The following PDE1C variants were observed in gnomAD, a reference collection of about 807,000 sequenced individuals.
PDE1C encodes the protein phosphodiesterase 1C.
Under a neutral mutation model 93.1 loss-of-function variants are expected in PDE1C, and 62 were observed. That is an observed-to-expected ratio of 0.67 (90% confidence interval 0.54 to 0.82). PDE1C has a LOEUF of 0.82. Among genes scored for constraint, PDE1C ranks in the 40% least tolerant of loss-of-function variants. The probability of loss-of-function intolerance (pLI) is 0.00; values close to 1 mark genes in which losing one functional copy is unlikely to be tolerated. For missense variants in PDE1C, 742 were observed against 884.6 expected (o/e 0.84, Z 2.04); for synonymous variants, 325 against 310.1 (o/e 1.05, Z -0.50).
the PDE1C span, among the ~76,000 whole-genome samples, chr7:31,705,976 C>A: frequency 7.4e-6 from 1 of 135,176 alleles, no homozygotes; most frequent in African/African-American, 2.9e-5. Flanking sequence ...CTGAATTTCA[C>A]AGACCAGTAA....
intron 2 of PDE1C, among the ~76,000 whole-genome samples, chr7:32,003,605 T>C (rs1785767092): frequency 1.3e-5 from 2 of 152,244 alleles, no homozygotes; most frequent in African/African-American, 4.8e-5. Flanking sequence ...TTACATTGCA[T>C]GGCCCATCCA....
rs1802127888 is a variant in PDE1C, at chr7:31,917,882, T to C, written c.129-37022A>G. On this transcript the variant is annotated intron_variant, in intron 2 of 17. Transcript: ENST00000396191. The stretch of plus-strand genomic sequence containing the variant: ...GAAAGCCCCTGTGAGAAATAACATA[T>C]TGAATAGTTTAGATTCAAATCACTG... Among the ~76,000 whole-genome samples the C allele has an allele frequency of 3.3e-5, 5 of 152,298 alleles. No individual in the cohort carries two copies. The South Asian group carries it at 8.3e-4, about 25-fold the overall frequency.
chr7:31,813,061 A>G (rs1250212217), intron 15 of PDE1C, among the ~76,000 whole-genome samples: 1 of 152,142 alleles, frequency 6.6e-6, no homozygotes, highest in Non-Finnish European at 1.5e-5. Context: ...CTCAAGTACA[A>G]TGTCTGATAC....
intron 1 of PDE1C, among the ~76,000 whole-genome samples, chr7:32,358,039 G>A (rs1784065349): frequency 6.6e-6 from 1 of 151,876 alleles, no homozygotes. Flanking sequence ...TTATGCTCTG[G>A]ACCGGAGAGC....
chr7:32,011,118 T>A (rs1427102525), intron 2 of PDE1C, among the ~76,000 whole-genome samples: 1 of 152,162 alleles, frequency 6.6e-6, no homozygotes, highest in Admixed American at 6.6e-5. Flanking sequence ...AAGAAAATAT[T>A]TTCAAATCAC....
At chr7:32,199,133 T>A (rs9718901) in intron 2 of PDE1C, among the ~76,000 whole-genome samples, 71,413 of 147,698 alleles carry the variant, frequency 0.48, 16,972 homozygotes, top group Admixed American at 0.58. Flanking sequence ...AATAAAAATT[T>A]AAAAAAAAAA....
chr7:31,847,903 C>A, intron 9 of PDE1C, 65 bp downstream of exon 9: 1 of 1,552,950 alleles, frequency 6.4e-7, no homozygotes, highest in Non-Finnish European at 8.9e-7. Context: ...TCAAAAACAG[C>A]ATACTTCATC....
Position 31,872,022 on chromosome 7 carries a change from C to T in PDE1C, c.609+1270G>A, listed in dbSNP as rs181947104. ...GGATAAGGAAAACTTGGTATACAAC[C>T]ATAATGGAATACTATTCGGCCATAA... On this transcript the variant is annotated intron_variant, in intron 6 of 17. Transcript: ENST00000396191. Among the ~76,000 whole-genome samples, 595 of 136,528 alleles carry T rather than the reference C, an allele frequency of 4.4e-3. 7 individuals carry two copies. Among genetic ancestry groups the T allele is most frequent in the Admixed American group, 0.038 (488 of 12,944 alleles). 89.6% of individuals were successfully genotyped at this position (136,528 alleles called of 152,430 possible).
chr7:32,409,016 T>C (rs896554206), intron 1 of PDE1C, among the ~76,000 whole-genome samples: 3 of 152,152 alleles, frequency 2.0e-5, no homozygotes, highest in South Asian at 2.1e-4. Context: ...GGCAGAATTA[T>C]ACAAACTTTC....
intron 1 of PDE1C, among the ~76,000 whole-genome samples, chr7:32,267,561 T>TTTTCTC (rs1810674897): frequency 7.6e-6 from 1 of 131,894 alleles, no homozygotes. Context: ...TGCAGCCTCT[T>TTTTCTC]TCTCTCTCTC....
chr7:32,133,353 G>A (rs913506386), intron 3 of PDE1C, among the ~76,000 whole-genome samples: 1 of 152,140 alleles, frequency 6.6e-6, no homozygotes, highest in African/African-American at 2.4e-5. Flanking sequence ...GTTGAAACTG[G>A]AGCAAGTCAC....
intron 13 of PDE1C, among the ~76,000 whole-genome samples, chr7:31,824,047 T>TC (rs1234402918): frequency 6.6e-6 from 1 of 152,082 alleles, no homozygotes; most frequent in Non-Finnish European, 1.5e-5. Flanking sequence ...ATCTGGAGCA[T>TC]CCCTGGGGTC....
intron 2 of PDE1C, among the ~76,000 whole-genome samples, chr7:31,905,079 A>G (rs1274647027): frequency 1.3e-5 from 2 of 152,158 alleles, no homozygotes; most frequent in African/African-American, 4.8e-5. Flanking sequence ...GTATGAATTC[A>G]CTATGAAATA....
intron 2 of PDE1C, among the ~76,000 whole-genome samples, chr7:31,933,121 G>A (rs1284684205): frequency 6.6e-6 from 1 of 151,946 alleles, no homozygotes; most frequent in Non-Finnish European, 1.5e-5. Flanking sequence ...TGCATACAGG[G>A]CTTAAAACCT....
intron 2 of PDE1C, among the ~76,000 whole-genome samples, chr7:31,961,418 G>C (rs1042052640): frequency 2.0e-5 from 3 of 151,960 alleles, no homozygotes; most frequent in Non-Finnish European, 2.9e-5. Context: ...CTCTTTAAAA[G>C]GAATGAAGTG....
intron 1 of PDE1C, among the ~76,000 whole-genome samples, chr7:32,316,084 C>G (rs1279125711): frequency 1.3e-5 from 2 of 152,216 alleles, no homozygotes; most frequent in Non-Finnish European, 2.9e-5. Context: ...ATCTGATATT[C>G]TCACTAGACT....
the PDE1C span, among the ~76,000 whole-genome samples, chr7:31,728,945 T>C: frequency 7.1e-4 from 108 of 152,336 alleles, no homozygotes; most frequent in East Asian, 0.019. Flanking sequence ...GGGCTAAATC[T>C]TTCCAGTCTA....
intron 1 of PDE1C, among the ~76,000 whole-genome samples, chr7:32,338,629 G>A (rs1467158676): frequency 6.6e-6 from 1 of 152,142 alleles, no homozygotes; most frequent in Non-Finnish European, 1.5e-5. Flanking sequence ...TACTACTTCT[G>A]GGTATGTATC....
At chr7:32,384,331 C>A (rs548206150) in intron 1 of PDE1C, among the ~76,000 whole-genome samples, 3 of 152,246 alleles carry the variant, frequency 2.0e-5, no homozygotes, top group Non-Finnish European at 4.4e-5. Context: ...CAGCCTGAAG[C>A]AGACAGGTAT....
Sources: gnomAD v4.1 joint callset for allele counts (sites outside exome capture counted in the v4.1 genomes callset) on GRCh38, gnomAD v4.1.1 for gene constraint, MANE v1.5 for transcripts, NCBI Gene and HGNC (gene_info 2026-07-23, HGNC 2026-07-21) for gene names.